ADAM9: variants seen among roughly 807,000 people sequenced by gnomAD.
ADAM9 encodes the protein disintegrin and metalloproteinase domain-containing protein 9.
In ADAM9, 54 loss-of-function variants were observed where a neutral mutation model predicts 108.1. The observed-to-expected ratio is 0.50, with a 90% CI of 0.40 to 0.63. ADAM9 has a LOEUF of 0.63. Among genes scored for constraint, ADAM9 ranks in the 20% least tolerant of loss-of-function variants. ADAM9 has a pLI of 0.00. For synonymous variants in ADAM9, 316 were observed against 336.0 expected (o/e 0.94, Z 0.65); for missense variants, 830 against 997.7 (o/e 0.83, Z 2.26).
chr8:39,053,839 C>T (rs1838030538), intron 12 of ADAM9, among the ~76,000 whole-genome samples: 1 of 152,150 alleles, frequency 6.6e-6, no homozygotes, highest in Non-Finnish European at 1.5e-5. Flanking sequence ...TTTATGGACA[C>T]TGACCTCTCT....
At chr8:39,042,211 A>C (rs1232829800) in intron 12 of ADAM9, 94 bp downstream of exon 12, 1 of 1,412,466 alleles carries the variant, frequency 7.1e-7, no homozygotes, top group Non-Finnish European at 1.0e-6. Context: ...CATAGGAGCT[A>C]AAGTAAAATT....
intron 16 of ADAM9, 47 bp from the exon 17 acceptor site, chr8:39,082,594 G>T: frequency 1.3e-6 from 2 of 1,489,712 alleles, no homozygotes; most frequent in South Asian, 1.2e-5. Flanking sequence ...ACTTTTTAAT[G>T]ACTGTGCTCA....
chr8:39,044,518 G>A (rs1837551735), intron 12 of ADAM9, among the ~76,000 whole-genome samples: 1 of 151,878 alleles, frequency 6.6e-6, no homozygotes, highest in East Asian at 1.9e-4. Flanking sequence ...GTATCCTGGT[G>A]GGGATTGGGC....
Position 39,090,670 on chromosome 8 carries a change from C to G in ADAM9, c.2210+482C>G, listed in dbSNP as rs1298649569. 3.9e-5 allele frequency among the ~76,000 whole-genome samples: 6 copies of G among 152,264 alleles called. No homozygotes were observed. The South Asian group carries it at 1.2e-3, about 32-fold the overall frequency. On this transcript the variant is annotated intron_variant, in intron 19 of 21. Transcript: ENST00000487273. ...AGCCTTTAGGCTGCTGAAAGTGACC[C>G]TCAGGGTTCATTTTGCTTAACACCA...
intron 6 of ADAM9, among the ~76,000 whole-genome samples, chr8:39,017,969 G>C (rs1421374936): frequency 6.6e-6 from 1 of 152,228 alleles, no homozygotes; most frequent in East Asian, 1.9e-4. Context: ...AAAAGAGAGA[G>C]ATACGGCTTT....
intron 14 of ADAM9, among the ~76,000 whole-genome samples, chr8:39,057,677 A>G (rs1307914074): frequency 6.6e-6 from 1 of 152,158 alleles, no homozygotes; most frequent in Non-Finnish European, 1.5e-5. Flanking sequence ...AAAGGCCTTC[A>G]GGAAGACTTT....
intron 18 of ADAM9, among the ~76,000 whole-genome samples, chr8:39,087,306 G>C (rs531812473): frequency 6.0e-4 from 92 of 152,174 alleles, no homozygotes; most frequent in Non-Finnish European, 1.2e-3. Context: ...CTTGAAAACT[G>C]TTGTTTCATA....
At chr8:39,050,843 T>A (rs984453289) in intron 12 of ADAM9, among the ~76,000 whole-genome samples, 1 of 150,344 alleles carries the variant, frequency 6.7e-6, no homozygotes, top group Non-Finnish European at 1.5e-5. Flanking sequence ...TTTTTTTTTT[T>A]TTTTTTTTTT....
In ADAM9 at chr8:39,041,984, T is replaced by C. The variant is rs1225685499; in HGVS notation, c.1169T>C (p.Phe390Ser). Reference sequence around the variant, plus strand: ...TTTAGCAGTTGCAGTGCAGAGGACTTTGAGAAGTTAACTTTAAATAAAGGA... The same window carrying C: ...TTTAGCAGTTGCAGTGCAGAGGACTCTGAGAAGTTAACTTTAAATAAAGGA... The part of the protein sequence containing the change: ...RNFSSCSAED[F>S]EKLTLNKGGN... The change falls in exon 12 of 22, where the codon TTT becomes TCT. Residue 390 changes from phenylalanine (F) to serine (S), a missense_variant. Physicochemically the swap from Phe to Ser is radical, Grantham distance 155. This residue lies in a region of ADAM9 where 381 missense variants were observed against 539.8 expected (regional missense o/e 0.71). Transcript: ENST00000487273. 6.2e-7 allele frequency: 1 copy of C among 1,613,956 alleles called. No individual in the cohort carries two copies. Among genetic ancestry groups the C allele is most frequent in the Non-Finnish European group, 8.5e-7 (1 of 1,179,924 alleles).
chr8:39,002,434 T>TCCCGAGTAGCTGCC (rs1023892210), intron 1 of ADAM9, among the ~76,000 whole-genome samples: 1 of 146,876 alleles, frequency 6.8e-6, no homozygotes, highest in African/African-American at 2.5e-5. Flanking sequence ...TTCTTCTGCC[T>TCCCGAGTAGCTGCC]CAGCCTCCCG....
Position 39,045,135 on chromosome 8 carries a change from C to CATATGTGT in ADAM9, c.1302+3022_1302+3023insGTGTATAT, listed in dbSNP as rs1837629758. ...ATACATATGTGTGTGTGCATACATA[C>CATATGTGT]ATATATGTGTATATATGTGTATACA... On this transcript the variant is annotated intron_variant, in intron 12 of 21. Coordinates refer to ENST00000487273, the MANE Select transcript of ADAM9 (RefSeq NM_003816.3). Among the ~76,000 whole-genome samples, 5 of 68,000 alleles carry CATATGTGT rather than the reference C, an allele frequency of 7.4e-5. 1 individual carries two copies. Among genetic ancestry groups the CATATGTGT allele is most frequent in the African/African-American group, 2.6e-4 (4 of 15,622 alleles). The allele number at this position is 68,000 out of a possible 152,430, so 44.6% of individuals were successfully genotyped here.
intron 9 of ADAM9, among the ~76,000 whole-genome samples, chr8:39,025,262 C>T (rs1485723293): frequency 6.6e-6 from 1 of 151,904 alleles, no homozygotes; most frequent in Non-Finnish European, 1.5e-5. Flanking sequence ...GGCTAATTTT[C>T]GTATTTGTTT....
intron 12 of ADAM9, among the ~76,000 whole-genome samples, chr8:39,044,845 G>C (rs112864261): frequency 6.6e-6 from 1 of 151,184 alleles, no homozygotes; most frequent in Non-Finnish European, 1.5e-5. Context: ...TATTCCGTGG[G>C]GTGTGTGTAT....
chr8:39,091,074 A>G (rs1444675383), intron 19 of ADAM9, among the ~76,000 whole-genome samples, 185 bp from the exon 20 acceptor site: 1 of 152,214 alleles, frequency 6.6e-6, no homozygotes, highest in African/African-American at 2.4e-5. Flanking sequence ...GCTTTCTAAT[A>G]CCATAAGGAT....
chr8:39,030,695 A>G (rs1462744789), intron 11 of ADAM9, among the ~76,000 whole-genome samples: 2 of 152,218 alleles, frequency 1.3e-5, no homozygotes, highest in African/African-American at 4.8e-5. Context: ...AAGTAGCTAT[A>G]CCATTTTGTA....
At chr8:39,018,562 A>C in intron 6 of ADAM9, 2 of 379,562 alleles carry the variant, frequency 5.3e-6, no homozygotes, top group Non-Finnish European at 9.6e-6. Context: ...TCTGTAACTA[A>C]CATTTTTCTC....
intron 12 of ADAM9, among the ~76,000 whole-genome samples, chr8:39,045,233 T>C (rs947989231): frequency 1.4e-5 from 2 of 147,976 alleles, no homozygotes; most frequent in Non-Finnish European, 3.0e-5. Context: ...TATGTGTATA[T>C]ATGTGTATAC....
intron 14 of ADAM9, among the ~76,000 whole-genome samples, chr8:39,061,953 T>C (rs1189093498): frequency 6.6e-6 from 1 of 152,104 alleles, no homozygotes; most frequent in East Asian, 1.9e-4. Context: ...TTTCTCAGAG[T>C]TCTGGAGGCT....
At chr8:39,013,409 C>T (rs1328939317) in intron 3 of ADAM9, among the ~76,000 whole-genome samples, 2 of 151,360 alleles carry the variant, frequency 1.3e-5, no homozygotes, top group Non-Finnish European at 2.9e-5. Flanking sequence ...ATTTTAAGAC[C>T]ATTACAAAAT....
Sources: gnomAD v4.1 joint callset for allele counts (sites outside exome capture counted in the v4.1 genomes callset) on GRCh38, gnomAD v4.1.1 for gene constraint, gnomAD v4.1.1 regional missense constraint, MANE v1.5 for transcripts, NCBI Gene and HGNC (gene_info 2026-07-23, HGNC 2026-07-21) for gene names.